Variants in AFG1L observed in about 807,000 individuals in gnomAD.
The protein encoded by AFG1L is AFG1-like ATPase.
A neutral mutation model predicts 62.2 loss-of-function variants in AFG1L; 53 were observed. The ratio of observed to expected loss-of-function variants is 0.85; its 90% CI spans 0.68 to 1.07. The LOEUF (loss-of-function observed/expected upper bound fraction) is 1.07. Ranked by LOEUF, AFG1L falls within the 50% of genes least tolerant of loss-of-function variation. AFG1L has a pLI of 0.00. For synonymous variants in AFG1L, 228 were observed against 210.3 expected (o/e 1.08, Z -0.73); for missense variants, 555 against 590.5 (o/e 0.94, Z 0.62).
At position 108,514,723 on chromosome 6, in the gene AFG1L, A is replaced by G. The variant is rs561259553; in HGVS notation, c.1203+4371A>G. Among the ~76,000 whole-genome samples, 268 of 152,300 alleles carry G rather than the reference A, an allele frequency of 1.8e-3. 2 individuals are homozygous for G. Among genetic ancestry groups the G allele is most frequent in the African/African-American group, 5.8e-3 (240 of 41,548 alleles). Reference sequence around the variant, plus strand: ...CTGGCAAATTGGATAAAGATTCAAGACCCATCAGTGTGCTGTATTCAGGAA... The same window carrying G: ...CTGGCAAATTGGATAAAGATTCAAGGCCCATCAGTGTGCTGTATTCAGGAA... On this transcript the variant is annotated intron_variant, in intron 11 of 12. Transcript: ENST00000368977.
intron 8 of AFG1L, among the ~76,000 whole-genome samples, chr6:108,455,428 C>A (rs1170220318): frequency 6.6e-6 from 1 of 152,104 alleles, no homozygotes; most frequent in Non-Finnish European, 1.5e-5. Flanking sequence ...GTCTATTGAT[C>A]TTCCCAACGA....
chr6:108,366,432 T>C, intron 6 of AFG1L, 100 bp downstream of exon 6: 1 of 614,052 alleles, frequency 1.6e-6, no homozygotes, highest in South Asian at 3.2e-5. Flanking sequence ...TTAATAAATC[T>C]GATGACTTTG....
chr6:108,351,480 AT>A, intron 3 of AFG1L, among the ~76,000 whole-genome samples: 1 of 152,146 alleles, frequency 6.6e-6, no homozygotes, highest in South Asian at 2.1e-4. Flanking sequence ...ATTCTTTAGG[AT>A]TTTTTTGTGT....
At chr6:108,469,408 A>G (rs1320017434) in intron 8 of AFG1L, among the ~76,000 whole-genome samples, 1 of 152,144 alleles carries the variant, frequency 6.6e-6, no homozygotes, top group Admixed American at 6.5e-5. Flanking sequence ...GGCTTTCAGT[A>G]TGGTATCTCT....
chr6:108,355,508 T>C (rs964558496), intron 3 of AFG1L, 146 bp from the exon 4 acceptor site: 2 of 456,986 alleles, frequency 4.4e-6, no homozygotes, highest in Non-Finnish European at 7.6e-6. Flanking sequence ...ACATACAAAG[T>C]AAGCTCCCCC....
At chr6:108,514,423 A>C (rs1774794916) in intron 11 of AFG1L, among the ~76,000 whole-genome samples, 1 of 151,954 alleles carries the variant, frequency 6.6e-6, no homozygotes, top group African/African-American at 2.4e-5. Context: ...GGAGAAATAA[A>C]ATCCTTTACA....
At chr6:108,345,503 G>A (rs1015801659) in intron 2 of AFG1L, among the ~76,000 whole-genome samples, 4 of 151,842 alleles carry the variant, frequency 2.6e-5, no homozygotes, top group African/African-American at 9.7e-5. Flanking sequence ...GGGACTGCGG[G>A]AGTACATCAC....
At chr6:108,368,991 A>G (rs1374602160) in intron 6 of AFG1L, among the ~76,000 whole-genome samples, 1 of 152,242 alleles carries the variant, frequency 6.6e-6, no homozygotes, top group East Asian at 1.9e-4. Context: ...CCTTTTCTAA[A>G]TATAAACAGT....
intron 10 of AFG1L, among the ~76,000 whole-genome samples, chr6:108,509,276 C>T (rs1171141045): frequency 2.0e-5 from 3 of 152,194 alleles, no homozygotes; most frequent in Non-Finnish European, 4.4e-5. Context: ...CCATACTCTC[C>T]TCGTATCAGG....
chr6:108,441,712 A>AAAAAAAATATATAT (rs1401294615), intron 7 of AFG1L, among the ~76,000 whole-genome samples: 1 of 139,486 alleles, frequency 7.2e-6, no homozygotes, highest in African/African-American at 2.8e-5. Context: ...AAAAAAAAAA[A>AAAAAAAATATATAT]ATATATATAT....
intron 11 of AFG1L, among the ~76,000 whole-genome samples, chr6:108,512,839 CA>C (rs1774709102): frequency 6.6e-6 from 1 of 152,092 alleles, no homozygotes; most frequent in South Asian, 2.1e-4. Context: ...TAGTCAAAAC[CA>C]TTTTATTTCA....
Position 108,510,292 on chromosome 6 carries a change from G to T in AFG1L, c.1143G>T (p.Leu381=). The T allele has an allele frequency of 6.2e-7, 1 of 1,612,344 alleles. No individual in the cohort carries two copies. Among genetic ancestry groups the T allele is most frequent in the South Asian group, 1.1e-5 (1 of 90,930 alleles). Residue 381 remains leucine (L), a synonymous_variant, in exon 11 of 13, where the codon CTG becomes CTT. Transcript: ENST00000368977. ...TACGAAACATTCCGCAATTTACTCT[G>T]GCAAACAGGACTCAAGGTCGAAGAT... ...IFLRNIPQFT[L]ANRTQGRRFI...
At chr6:108,295,433 G>T (rs940445997) in intron 1 of AFG1L, among the ~76,000 whole-genome samples, 1 of 152,144 alleles carries the variant, frequency 6.6e-6, no homozygotes, top group African/African-American at 2.4e-5. Context: ...TTCATTTTGA[G>T]GGTCAGAGGT....
intron 7 of AFG1L, among the ~76,000 whole-genome samples, chr6:108,433,074 A>T (rs1771144494): frequency 6.6e-6 from 1 of 152,216 alleles, no homozygotes. Context: ...GTTATGAGGA[A>T]ATCCTGCCGT....
intron 2 of AFG1L, among the ~76,000 whole-genome samples, chr6:108,335,503 C>A (rs1778443359): frequency 6.6e-6 from 1 of 152,210 alleles, no homozygotes; most frequent in South Asian, 2.1e-4. Context: ...CTCATTCCCT[C>A]CTTAACATCA....
At chr6:108,388,783 A>T (rs1354347566) in intron 6 of AFG1L, among the ~76,000 whole-genome samples, 5 of 150,830 alleles carry the variant, frequency 3.3e-5, no homozygotes, top group Non-Finnish European at 4.4e-5. Context: ...TGCTGAGGAG[A>T]GCTTTACTTC....
At chr6:108,316,361 A>G (rs1777596621) in intron 1 of AFG1L, among the ~76,000 whole-genome samples, 1 of 111,150 alleles carries the variant, frequency 9.0e-6, no homozygotes, top group Admixed American at 9.8e-5. Flanking sequence ...AGCCTGGGCG[A>G]CAGAGCGAGA....
intron 2 of AFG1L, among the ~76,000 whole-genome samples, chr6:108,326,272 T>C (rs1377889730): frequency 6.6e-6 from 1 of 152,114 alleles, no homozygotes; most frequent in East Asian, 1.9e-4. Context: ...AGGACCTTAC[T>C]CTGTTGCCAG....
chr6:108,401,929 G>A, intron 6 of AFG1L, 67 bp from the exon 7 acceptor site: 1 of 721,978 alleles, frequency 1.4e-6, no homozygotes, highest in South Asian at 1.8e-5. Flanking sequence ...TTATTTGCCA[G>A]GCTAAACGAT....
Sources: allele counts gnomAD v4.1 joint callset (sites outside exome capture counted in the v4.1 genomes callset), GRCh38; gene constraint gnomAD v4.1.1; transcripts MANE v1.5; gene names NCBI Gene and HGNC (gene_info 2026-07-23, HGNC 2026-07-21).